Variants in CATSPERG observed in about 807,000 individuals in gnomAD.
CATSPERG encodes the protein catsper channel auxiliary subunit gamma.
CATSPERG carries 115 observed loss-of-function variants against 145.0 expected under a neutral mutation model. That is an observed-to-expected ratio of 0.79 (90% CI 0.68 to 0.93). The LOEUF (loss-of-function observed/expected upper bound fraction) is 0.93, where lower values mean the gene tolerates loss of function less well. Among genes scored for constraint, CATSPERG ranks in the 40% least tolerant of loss-of-function variants. CATSPERG has a pLI of 0.00. For missense variants in CATSPERG, 1,296 were observed against 1,490.1 expected, an observed-to-expected ratio of 0.87 and a Z score of 2.14; for synonymous variants, 588 against 589.0, an observed-to-expected ratio of 1.00 and a Z score of 0.02.
At chr19:38,344,768 T>C (rs1229682312) in intron 6 of CATSPERG, among the ~76,000 whole-genome samples, 1 of 127,164 alleles carries the variant, frequency 7.9e-6, no homozygotes, top group Admixed American at 8.8e-5. Flanking sequence ...AGTACATACC[T>C]GTACATACAT....
intron 17 of CATSPERG, 120 bp downstream of exon 17, chr19:38,361,981 G>C: frequency 1.3e-6 from 1 of 776,596 alleles, no homozygotes; most frequent in Non-Finnish European, 2.1e-6. Flanking sequence ...ACTGGTGGTG[G>C]GTGGGCGGGG....
intron 7 of CATSPERG, among the ~76,000 whole-genome samples, chr19:38,350,341 C>T (rs1470578535): frequency 6.6e-6 from 1 of 152,130 alleles, no homozygotes; most frequent in Non-Finnish European, 1.5e-5. Flanking sequence ...CGGGGTTTCT[C>T]GCCTCATCTC....
chr19:38,346,381 G>A (rs1345060564), intron 6 of CATSPERG, 69 bp from the exon 7 acceptor site: 3 of 1,433,100 alleles, frequency 2.1e-6, no homozygotes. Flanking sequence ...TCAGGCCTTG[G>A]ACCTAAATGA....
Position 38,346,518 on chromosome 19 carries a change from G to T in CATSPERG, c.738G>T (p.Gln246His). ...SSRPLWHTVD[Q>H]SPVLILGGIP... ...GGCCCTTGTGGCACACTGTGGACCAGTCACCTGTGCTTATCCTGGGAGGCA... is the reference window on the plus strand; with the variant it reads ...GGCCCTTGTGGCACACTGTGGACCATTCACCTGTGCTTATCCTGGGAGGCA... Residue 246 changes from glutamine to histidine, a missense_variant, in exon 7 of 29, where the codon CAG becomes CAT. By Grantham distance (24) the Gln-to-His change is conservative. Transcript: ENST00000409235. 6.4e-7 allele frequency: 1 copy of T among 1,551,656 alleles called. No homozygotes were observed. The highest frequency in any genetic ancestry group is 8.7e-7 in the Non-Finnish European group (1 of 1,146,906).
At chr19:38,345,833 C>T (rs1015735556) in intron 6 of CATSPERG, among the ~76,000 whole-genome samples, 1 of 152,034 alleles carries the variant, frequency 6.6e-6, no homozygotes, top group Non-Finnish European at 1.5e-5. Context: ...TTCTTAATCC[C>T]GATGCATTCA....
intron 8 of CATSPERG, 129 bp downstream of exon 8, chr19:38,352,561 A>T: frequency 1.6e-6 from 1 of 643,664 alleles, no homozygotes; most frequent in Non-Finnish European, 2.5e-6. Context: ...GCCCCAAATC[A>T]CCCTTGCCCA....
chr19:38,360,114 G>C, intron 14 of CATSPERG: 2 of 985,308 alleles, frequency 2.0e-6, no homozygotes, highest in Non-Finnish European at 2.4e-6. Context: ...GGGAAACTGA[G>C]GCCAGGGAAA....
At position 38,362,807 on chromosome 19, in the gene CATSPERG, T is replaced by C. The variant is rs763240088; in HGVS notation, c.2450T>C (p.Ile817Thr). ...GCCTCGGTGAAGCAGGAGGTCCTGATTAATCGCAACTCGGTGCTATTTTCG... is the reference window on the plus strand; with the variant it reads ...GCCTCGGTGAAGCAGGAGGTCCTGACTAATCGCAACTCGGTGCTATTTTCG... ...IEASVKQEVLINRNSVLFSIT... is the reference protein window; with the variant it reads ...IEASVKQEVLTNRNSVLFSIT... Residue 817 changes from isoleucine (I) to threonine (T), a missense_variant, in exon 20 of 29, where the codon ATT (isoleucine) becomes ACT (threonine). Ile to Thr is a moderately conservative substitution (Grantham distance 89). Transcript: ENST00000409235. The C allele has an allele frequency of 6.2e-7, 1 of 1,613,622 alleles. No individual in the cohort carries two copies. Among genetic ancestry groups the C allele is most frequent in the Non-Finnish European group, 8.5e-7 (1 of 1,179,914 alleles).
chr19:38,354,463 A>G (rs998504579), intron 8 of CATSPERG, among the ~76,000 whole-genome samples: 1 of 152,172 alleles, frequency 6.6e-6, no homozygotes, highest in African/African-American at 2.4e-5. Context: ...CATGCTAATC[A>G]TTGTGGCCTA....
intron 7 of CATSPERG, 70 bp downstream of exon 7, chr19:38,346,675 G>T: frequency 2.1e-6 from 3 of 1,420,540 alleles, no homozygotes; most frequent in Non-Finnish European, 1.9e-6. Flanking sequence ...CTGAAATAAG[G>T]TAGGGGCCTG....
rs753645588 is a variant in CATSPERG, at chr19:38,362,841, C to A, written c.2475+9C>A. 14 of 1,557,972 alleles carry A rather than the reference C, an allele frequency of 9.0e-6. No individual in the cohort carries two copies. The East Asian group carries it at 3.1e-4, about 35-fold the overall frequency. On this transcript the variant is annotated intron_variant, in intron 20 of 28. Coordinates refer to ENST00000409235, the MANE Select transcript of CATSPERG (RefSeq NM_021185.5). ...ACTCGGTGCTATTTTCGGTGAGGCC[C>A]CCCGGGGAGTTGGGATCAAGGGAGG...
chr19:38,362,620 A>C, intron 19 of CATSPERG, 46 bp downstream of exon 19: 1 of 1,604,066 alleles, frequency 6.2e-7, no homozygotes, highest in Non-Finnish European at 8.5e-7. Context: ...GGCGAGGGCT[A>C]CCAGAATCTG....
intron 9 of CATSPERG, among the ~76,000 whole-genome samples, chr19:38,355,243 G>C (rs1024804082): frequency 6.6e-6 from 1 of 152,080 alleles, no homozygotes; most frequent in African/African-American, 2.4e-5. Flanking sequence ...TATTCAGGAG[G>C]CTGAGGCAGG....
intron 20 of CATSPERG, among the ~76,000 whole-genome samples, chr19:38,363,547 G>A (rs1970391283): frequency 6.6e-6 from 1 of 150,604 alleles, no homozygotes; most frequent in African/African-American, 2.5e-5. Context: ...CAATAGTGGA[G>A]GGAAGGTCAG....
chr19:38,337,029 G>A (rs576558881), intron 1 of CATSPERG, 192 bp from the exon 2 acceptor site: 19 of 667,108 alleles, frequency 2.8e-5, no homozygotes, highest in Middle Eastern at 4.2e-4. Context: ...GGGGCTAAAA[G>A]TCCGTGCGGG....
At position 38,364,209 on chromosome 19, in the gene CATSPERG, G is replaced by T. The variant is rs538818233; in HGVS notation, c.2476-682G>T. On this transcript the variant is annotated intron_variant, in intron 20 of 28. Coordinates refer to ENST00000409235, the MANE Select transcript of CATSPERG (RefSeq NM_021185.5). ...AGACGCTCCTCACTTCCCAGACAGG[G>T]TGGCTGCCGGGCGGAGGGGCTCCTC... Among the ~76,000 whole-genome samples, 3 of 152,326 alleles carry T rather than the reference G, an allele frequency of 2.0e-5. No homozygotes were observed. The East Asian group carries it at 5.8e-4, about 29-fold the overall frequency.
At position 38,354,840 on chromosome 19, in the gene CATSPERG, C is replaced by A. The variant is rs1401883426; in HGVS notation, c.1128C>A (p.Thr376=). 1.2e-6 allele frequency: 2 copies of A among 1,613,836 alleles called. No homozygotes were observed. The highest frequency in any genetic ancestry group is 2.7e-5 in the African/African-American group (2 of 74,908). ...ATGAGGGTTATGTACACTTCGGGAC[C>A]ATCAGAGGTAAGGGTGTGGGCCTCT... is the stretch of plus-strand genomic sequence containing the variant. The part of the protein sequence containing the change: ...GKHEGYVHFG[T]IRDGQVSFEM... Residue 376 remains threonine (T), a synonymous_variant, in exon 9 of 29, where the codon ACC becomes ACA. Coordinates refer to ENST00000409235, the MANE Select transcript of CATSPERG (RefSeq NM_021185.5).
chr19:38,337,306 C>A lies in CATSPERG; in HGVS notation c.72C>A (p.Ala24=), dbSNP rs763716596. 1 of 1,551,298 alleles carries A rather than the reference C, an allele frequency of 6.4e-7. No homozygotes were observed. The highest frequency in any genetic ancestry group is 1.2e-5 in the South Asian group (1 of 84,064). Reference sequence around the variant, plus strand: ...TCCGAGTCGTGCAGGTGCTGTGGGCCCTGCTGGCAGTGCTCCTGGCGTCGT... The same window carrying A: ...TCCGAGTCGTGCAGGTGCTGTGGGCACTGCTGGCAGTGCTCCTGGCGTCGT... The part of the protein sequence containing the change: ...PRVRVVQVLW[A]LLAVLLASWR... The change falls in exon 2 of 29, where the codon GCC becomes GCA. Residue 24 remains alanine (A), a synonymous_variant. Coordinates refer to ENST00000409235, the MANE Select transcript of CATSPERG (RefSeq NM_021185.5).
In CATSPERG at chr19:38,368,385, T is replaced by C. The variant is rs552130300; in HGVS notation, c.3020+248T>C. ...ACTTTTCTGTTTCAAGATGGGACAA[T>C]TGTCCCTTCATGGCTCCTATGGCCT... On this transcript the variant is annotated intron_variant, in intron 26 of 28. Transcript: ENST00000409235. Among the ~76,000 whole-genome samples the C allele has an allele frequency of 2.1e-3, 318 of 152,298 alleles. 1 individual carries two copies. Among genetic ancestry groups the C allele is most frequent in the Non-Finnish European group, 3.6e-3 (246 of 68,018 alleles).
Sources: allele counts gnomAD v4.1 joint callset (sites outside exome capture counted in the v4.1 genomes callset), GRCh38; gene constraint gnomAD v4.1.1; transcripts MANE v1.5; gene names NCBI Gene and HGNC (gene_info 2026-07-23, HGNC 2026-07-21).